Variants in ACER2 observed in about 807,000 individuals in gnomAD.
The protein encoded by ACER2 is alkCDase 2.
Under a neutral mutation model 34.7 loss-of-function variants are expected in ACER2, and 26 were observed. That is an observed-to-expected ratio of 0.75 (90% CI 0.55 to 1.04). The LOEUF (loss-of-function observed/expected upper bound fraction) is 1.04. ACER2 is among the 50% of genes least tolerant of loss of function. The pLI is 0.00. For missense variants in ACER2, 352 were observed against 340.8 expected, an observed-to-expected ratio of 1.03 and a Z score of -0.26; for synonymous variants, 138 against 132.1, an observed-to-expected ratio of 1.04 and a Z score of -0.31.
chr9:19,423,162 A>T (rs533075350), intron 1 of ACER2, among the ~76,000 whole-genome samples: 1 of 152,236 alleles, frequency 6.6e-6, no homozygotes, highest in African/African-American at 2.4e-5. Context: ...CATGTCTCTT[A>T]AAAAAGGATT....
intron 4 of ACER2, among the ~76,000 whole-genome samples, chr9:19,445,901 A>G (rs1179370729): frequency 1.3e-5 from 2 of 152,132 alleles, no homozygotes; most frequent in Admixed American, 6.5e-5. Flanking sequence ...TGGTGGAAAG[A>G]GGTCAGGTTT....
At chr9:19,411,674 G>A (rs533742236) in intron 1 of ACER2, among the ~76,000 whole-genome samples, 2 of 152,304 alleles carry the variant, frequency 1.3e-5, no homozygotes, top group South Asian at 4.1e-4. Context: ...CTCATAATAA[G>A]GCAACAGGTC....
In ACER2 at chr9:19,446,267, G is replaced by A; in HGVS notation, c.504-14G>A. 1 of 1,614,142 alleles carries A rather than the reference G, an allele frequency of 6.2e-7. No homozygotes were observed. Among genetic ancestry groups the A allele is most frequent in the Non-Finnish European group, 8.5e-7 (1 of 1,180,028 alleles). On this transcript the variant is annotated splice_polypyrimidine_tract_variant and intron_variant, in intron 4 of 5. Transcript: ENST00000340967. ...AAGGTCTGACGATGAGTGACTCTCTGGACCCCCGTGCAGGTGTGACAACAT... is the reference window on the plus strand; with the variant it reads ...AAGGTCTGACGATGAGTGACTCTCTAGACCCCCGTGCAGGTGTGACAACAT...
intron 5 of ACER2, 39 bp from the exon 6 acceptor site, chr9:19,450,411 C>T: frequency 6.5e-7 from 1 of 1,539,890 alleles, no homozygotes; most frequent in Non-Finnish European, 8.9e-7. Flanking sequence ...GCGGAGTCTT[C>T]ATGCTCATCA....
At chr9:19,410,018 C>T (rs1258405509) in intron 1 of ACER2, 5 of 828,950 alleles carry the variant, frequency 6.0e-6, no homozygotes, top group Non-Finnish European at 7.3e-6. Context: ...ATGTCCATGG[C>T]TCAGAATCCT....
intron 4 of ACER2, among the ~76,000 whole-genome samples, chr9:19,436,048 C>CA (rs1308403768): frequency 2.7e-5 from 4 of 150,676 alleles, no homozygotes; most frequent in African/African-American, 9.8e-5. Context: ...GACTCTATCT[C>CA]AAAAAACAGA....
rs1218468035 is a variant in ACER2, at chr9:19,451,369, G to C, written c.*733G>C. ...AACCAAACAGATGAAACACACACAG[G>C]ACTTGTGGCTAAAAAGGCTAGTTTT... On this transcript the variant is annotated 3_prime_UTR_variant, in exon 6 of 6. Transcript: ENST00000340967. 1.3e-5 allele frequency: 2 copies of C among 152,632 alleles called. No individual in the cohort carries two copies. Among genetic ancestry groups the C allele is most frequent in the Non-Finnish European group, 2.9e-5 (2 of 68,032 alleles). The allele number at this position is 152,632 out of a possible 1,614,324, so 9.5% of individuals were successfully genotyped here. A position where few individuals can be genotyped will look rare whatever the true frequency, so the allele number is the denominator to read the frequency against.
intron 3 of ACER2, among the ~76,000 whole-genome samples, chr9:19,434,743 G>C (rs936743344): frequency 6.6e-6 from 1 of 150,908 alleles, no homozygotes; most frequent in Non-Finnish European, 1.5e-5. Flanking sequence ...GCTTCGGCTC[G>C]GCATGAGAGG....
At chr9:19,445,439 G>T (rs1370828220) in intron 4 of ACER2, among the ~76,000 whole-genome samples, 1 of 152,198 alleles carries the variant, frequency 6.6e-6, no homozygotes, top group East Asian at 1.9e-4. Context: ...TGTCAGGGAG[G>T]TTATAATCAC....
chr9:19,409,708 T>A, intron 1 of ACER2: 1 of 981,818 alleles, frequency 1.0e-6, no homozygotes, highest in South Asian at 4.7e-5. Flanking sequence ...AACATGCCTA[T>A]AATGGTCGAG....
chr9:19,443,230 C>T (rs2132524594), intron 4 of ACER2, among the ~76,000 whole-genome samples: 1 of 152,256 alleles, frequency 6.6e-6, no homozygotes, highest in Non-Finnish European at 1.5e-5. Context: ...GACAGGGTTT[C>T]ACCACGTTAG....
intron 5 of ACER2, chr9:19,450,186 G>C: frequency 5.1e-6 from 5 of 985,342 alleles, no homozygotes; most frequent in Non-Finnish European, 6.0e-6. Context: ...GAGGCCCAAA[G>C]GCATTTATTT....
chr9:19,436,430 T>G (rs1266598116), intron 4 of ACER2, among the ~76,000 whole-genome samples: 1 of 152,208 alleles, frequency 6.6e-6, no homozygotes, highest in Non-Finnish European at 1.5e-5. Context: ...TGGCTCATAG[T>G]TTTTATGTAC....
intron 4 of ACER2, among the ~76,000 whole-genome samples, chr9:19,441,250 C>T (rs1362302654): frequency 2.0e-5 from 3 of 152,076 alleles, no homozygotes; most frequent in Admixed American, 6.5e-5. Context: ...GGGGTTTCAC[C>T]ATGTTAGCCA....
intron 4 of ACER2, among the ~76,000 whole-genome samples, chr9:19,437,684 A>G (rs1171493858): frequency 6.6e-6 from 1 of 151,878 alleles, no homozygotes; most frequent in Non-Finnish European, 1.5e-5. Context: ...TGGTCTTCAG[A>G]TCTTTGCTCA....
chr9:19,422,334 T>A (rs1399729820), intron 1 of ACER2, among the ~76,000 whole-genome samples: 1 of 151,958 alleles, frequency 6.6e-6, no homozygotes, highest in Non-Finnish European at 1.5e-5. Flanking sequence ...TCATTAATGA[T>A]ATTTAATAGT....
Position 19,434,956 on chromosome 9 carries a change from C to G in ACER2, c.375C>G (p.Phe125Leu). ...GCTTTCATGGATTCAGGGGTAGGTTCAAGGTGGTGGTCAGTGTCCTGTCTG... is the reference window on the plus strand; with the variant it reads ...GCTTTCATGGATTCAGGGGTAGGTTGAAGGTGGTGGTCAGTGTCCTGTCTG... ...PKIFRNDRGRFKVVVSVLSAV... is the reference protein window; with the variant it reads ...PKIFRNDRGRLKVVVSVLSAV... Residue 125 changes from phenylalanine to leucine, a missense_variant, in exon 4 of 6, where the codon TTC becomes TTG. Coordinates refer to ENST00000340967, the MANE Select transcript of ACER2 (RefSeq NM_001010887.3). 1 of 1,613,696 alleles carries G rather than the reference C, an allele frequency of 6.2e-7. No individual in the cohort carries two copies. Among genetic ancestry groups the G allele is most frequent in the Non-Finnish European group, 8.5e-7 (1 of 1,180,028 alleles).
chr9:19,447,544 A>G (rs1465057892), intron 5 of ACER2, among the ~76,000 whole-genome samples: 1 of 152,188 alleles, frequency 6.6e-6, no homozygotes, highest in Non-Finnish European at 1.5e-5. Flanking sequence ...TATATAGTTT[A>G]TATATTTGTT....
chr9:19,426,524 A>G (rs1830578182), intron 3 of ACER2, among the ~76,000 whole-genome samples: 2 of 151,928 alleles, frequency 1.3e-5, no homozygotes, highest in South Asian at 2.1e-4. Flanking sequence ...CGCTTTTCTC[A>G]GATATCTTAT....
Sources: gnomAD v4.1 joint callset for allele counts (sites outside exome capture counted in the v4.1 genomes callset) on GRCh38, gnomAD v4.1.1 for gene constraint, MANE v1.5 for transcripts, NCBI Gene and HGNC (gene_info 2026-07-23, HGNC 2026-07-21) for gene names.